Variants in NBDY observed in about 807,000 individuals in gnomAD.
NBDY encodes the protein P-body dissociating protein.
intron 2 of NBDY, among the ~76,000 whole-genome samples, chrX:56,767,422 A>G (rs1046884105): frequency 4.4e-5 from 5 of 113,019 alleles, no homozygotes; most frequent in Non-Finnish European, 9.4e-5. Context: ...CCGCCGCTAC[A>G]CTGTGGGAGC....
At chrX:56,759,244 T>C (rs996638520) in intron 2 of NBDY, among the ~76,000 whole-genome samples, 13 of 111,914 alleles carry the variant, frequency 1.2e-4, no homozygotes, top group African/African-American at 4.2e-4. Context: ...GCTCCCACTT[T>C]CTCCTGGAAT....
intron 2 of NBDY, among the ~76,000 whole-genome samples, chrX:56,809,894 G>A (rs1306634983): frequency 1.8e-5 from 2 of 111,970 alleles, no homozygotes; most frequent in Admixed American, 9.5e-5. Flanking sequence ...GCTGGTACTG[G>A]TTGATCCTTC....
In NBDY at chrX:56,794,243, G is replaced by C. The variant is rs1245387139; in HGVS notation, c.*167-23077G>C. 2.7e-5 allele frequency among the ~76,000 whole-genome samples: 3 copies of C among 111,388 alleles called. No homozygotes were observed. In the Admixed American group the frequency reaches 2.8e-4, roughly 11 times the overall value. On this transcript the variant is annotated intron_variant, in intron 2 of 2. Transcript: ENST00000374922. ...AGCCCCGCATATTTTTGCTGACCTC[G>C]GTGCCTAGCAGAAGGCAAGTGTTTC...
rs951634611 is a variant in NBDY at position 56,816,649 on chromosome X, T to C, written c.*167-671T>C. Reference sequence around the variant, plus strand: ...AGTGAATAAAAACAAATTGCCGAAGTGTATGCTAGGATGATCTAATTTATA... The same window carrying C: ...AGTGAATAAAAACAAATTGCCGAAGCGTATGCTAGGATGATCTAATTTATA... On this transcript the variant is annotated intron_variant, in intron 2 of 2. Coordinates refer to ENST00000374922, the MANE Select transcript of NBDY (RefSeq NM_001348129.2). Among the ~76,000 whole-genome samples the C allele has an allele frequency of 1.1e-3, 127 of 110,646 alleles. 1 individual carries two copies. Among genetic ancestry groups the C allele is most frequent in the Non-Finnish European group, 3.0e-4 (16 of 52,789 alleles).
chrX:56,814,102 G>T (rs762480839), intron 2 of NBDY, among the ~76,000 whole-genome samples: 60 of 110,144 alleles, frequency 5.4e-4, no homozygotes, highest in Non-Finnish European at 1.0e-3. Flanking sequence ...GATTGTAATT[G>T]ATTTTTGCAT....
chrX:56,743,836 T>C (rs2069543883), intron 2 of NBDY, among the ~76,000 whole-genome samples: 1 of 111,314 alleles, frequency 9.0e-6, no homozygotes, highest in Non-Finnish European at 1.9e-5. Flanking sequence ...TTGAGTTTAG[T>C]TTTCTCTTGC....
At chrX:56,731,855 G>A (rs910719991) in intron 1 of NBDY, among the ~76,000 whole-genome samples, 1 of 111,533 alleles carries the variant, frequency 9.0e-6, no homozygotes, top group Non-Finnish European at 1.9e-5. Context: ...GCTGAGCTGA[G>A]CTTTGAACCC....
At chrX:56,755,918 T>C (rs1420607934) in intron 2 of NBDY, among the ~76,000 whole-genome samples, 1 of 103,670 alleles carries the variant, frequency 9.6e-6, no homozygotes, top group Non-Finnish European at 2.0e-5. Context: ...TAGACTGGAT[T>C]AAGAAAATGT....
intron 2 of NBDY, among the ~76,000 whole-genome samples, chrX:56,766,157 C>G (rs1204038100): frequency 5.3e-5 from 6 of 112,438 alleles, no homozygotes; most frequent in Non-Finnish European, 1.1e-4. Flanking sequence ...AAGTGTAATC[C>G]TGAGCCAGTA....
intron 1 of NBDY, among the ~76,000 whole-genome samples, chrX:56,730,320 G>A (rs1247438367): frequency 9.5e-6 from 1 of 105,479 alleles, no homozygotes; most frequent in African/African-American, 3.4e-5. Context: ...AGACCAGCGT[G>A]GCCAACACGG....
intron 2 of NBDY, among the ~76,000 whole-genome samples, chrX:56,734,106 T>C (rs1344587026): frequency 8.9e-6 from 1 of 112,450 alleles, no homozygotes; most frequent in African/African-American, 3.2e-5. Context: ...TTCTAGAATT[T>C]AAAAACAGGA....
intron 2 of NBDY, among the ~76,000 whole-genome samples, chrX:56,812,781 T>G (rs769355292): frequency 8.9e-6 from 1 of 111,790 alleles, no homozygotes; most frequent in Non-Finnish European, 1.9e-5. Context: ...CACTTGTTGT[T>G]GTTCTTTTTC....
In NBDY at chrX:56,763,308, G is replaced by A. The variant is rs187025500; in HGVS notation, c.*166+31109G>A. ...TGTGGTGGCATTCCCCAGCACCCCT[G>A]AGCCACCCTCCTCCCACCCCCATCT... On this transcript the variant is annotated intron_variant, in intron 2 of 2. Coordinates refer to ENST00000374922, the MANE Select transcript of NBDY (RefSeq NM_001348129.2). Among the ~76,000 whole-genome samples, 248 of 111,799 alleles carry A rather than the reference G, an allele frequency of 2.2e-3. 2 individuals carry two copies. The highest frequency in any genetic ancestry group is 0.013 in the Admixed American group (139 of 10,641).
In NBDY at chrX:56,730,513, C is replaced by CAAAAAAAAAAAAAAAAAAAAAAAA. The variant is rs1157131797; in HGVS notation, c.*29+934_*29+957dup. Among the ~76,000 whole-genome samples the CAAAAAAAAAAAAAAAAAAAAAAAA allele has an allele frequency of 1.8e-4, 2 of 11,215 alleles. 1 individual carries two copies. Among genetic ancestry groups the CAAAAAAAAAAAAAAAAAAAAAAAA allele is most frequent in the Non-Finnish European group, 3.5e-4 (2 of 5,792 alleles). 9.7% of individuals were successfully genotyped at this position (11,215 alleles called of 115,157 possible). On this transcript the variant is annotated intron_variant, in intron 1 of 2. Coordinates refer to ENST00000374922, the MANE Select transcript of NBDY (RefSeq NM_001348129.2). ...GCGACAATAGCAAAAAACTACGTCT[C>CAAAAAAAAAAAAAAAAAAAAAAAA]AAAAAAAAAAAAAAAAAAAAAAAAA... is the stretch of plus-strand genomic sequence containing the variant.
chrX:56,742,105 A>G (rs1339984036), intron 2 of NBDY, among the ~76,000 whole-genome samples: 1 of 111,236 alleles, frequency 9.0e-6, no homozygotes, highest in Non-Finnish European at 1.9e-5. Flanking sequence ...TCCATAGTGT[A>G]TGTTCTTGGC....
intron 2 of NBDY, among the ~76,000 whole-genome samples, chrX:56,732,429 T>A (rs1164796280): frequency 8.9e-6 from 1 of 111,962 alleles, no homozygotes; most frequent in Admixed American, 9.5e-5. Flanking sequence ...AAATATATCA[T>A]CTTTTTAACT....
chrX:56,736,354 C>T (rs1291884203), intron 2 of NBDY, among the ~76,000 whole-genome samples: 2 of 112,082 alleles, frequency 1.8e-5, no homozygotes, highest in Non-Finnish European at 3.8e-5. Context: ...AGCCTCCGCC[C>T]CCCGGGGTCA....
At chrX:56,787,225 A>G (rs955431646) in intron 2 of NBDY, among the ~76,000 whole-genome samples, 10 of 110,920 alleles carry the variant, frequency 9.0e-5, no homozygotes, top group Non-Finnish European at 1.9e-4. Context: ...CATGAACCAG[A>G]AATGAAATCA....
chrX:56,789,114 C>T (rs772949783), intron 2 of NBDY, among the ~76,000 whole-genome samples: 25 of 112,767 alleles, frequency 2.2e-4, no homozygotes, highest in Admixed American at 4.7e-4. Context: ...TTGCTGCCAA[C>T]GGAATAAAAC....
Sources: allele counts gnomAD v4.1 joint callset (sites outside exome capture counted in the v4.1 genomes callset), GRCh38; gene constraint gnomAD v4.1.1; transcripts MANE v1.5; gene names NCBI Gene and HGNC (gene_info 2026-07-23, HGNC 2026-07-21).